Variants in PP2D1 observed in about 807,000 individuals in gnomAD.
PP2D1 encodes protein phosphatase 2C like domain containing 1, also known as protein phosphatase 2C-like domain-containing protein 1.
A neutral mutation model predicts 30.2 loss-of-function variants in PP2D1; 25 were observed. That is an observed-to-expected ratio of 0.83 (90% CI 0.60 to 1.16). The LOEUF (loss-of-function observed/expected upper bound fraction) is 1.16. Ranked by LOEUF, PP2D1 falls within the 50% of genes most tolerant of loss-of-function variation. The probability of loss-of-function intolerance (pLI) is 0.00; values close to 1 mark genes in which losing one functional copy is unlikely to be tolerated. For missense variants in PP2D1, 760 were observed against 742.4 expected (o/e 1.02, Z -0.28); for synonymous variants, 260 against 258.9 (o/e 1.00, Z -0.04).
At chr3:19,991,862 T>C (rs1438326911) in intron 2 of PP2D1, among the ~76,000 whole-genome samples, 3 of 152,094 alleles carry the variant, frequency 2.0e-5, no homozygotes, top group East Asian at 1.9e-4. Context: ...TATAAAAGAA[T>C]TATAAGAAAA....
At position 19,985,865 on chromosome 3, in the gene PP2D1, C is replaced by G; in HGVS notation, c.1408G>C (p.Ala470Pro). The change falls in exon 3 of 3, where the codon GCA becomes CCA. Residue 470 changes from alanine to proline, a missense_variant. Physicochemically the swap from Ala to Pro is conservative, Grantham distance 27 (BLOSUM62 -1). Around this residue, in one of 3 missense-constraint regions of PP2D1, gnomAD observed 369 missense variants for 316.2 expected, o/e 1.17. Transcript: ENST00000389050. Reference protein sequence around the residue: ...VLDKEEVTALAMTTFHMYKET... With the variant: ...VLDKEEVTALPMTTFHMYKET... ...TTATACATGTGAAATGTTGTCATTGCCAGGGCAGTAACTTCCTCTTTATCC... is the reference window on the plus strand; with the variant it reads ...TTATACATGTGAAATGTTGTCATTGGCAGGGCAGTAACTTCCTCTTTATCC... 1 of 1,536,318 alleles carries G rather than the reference C, an allele frequency of 6.5e-7. No homozygotes were observed. The highest frequency in any genetic ancestry group is 8.7e-7 in the Non-Finnish European group (1 of 1,146,938).
downstream of PP2D1, chr3:19,983,669 G>T (rs997864990): frequency 7.7e-7 from 1 of 1,303,210 alleles, no homozygotes; most frequent in Admixed American, 1.9e-5. Flanking sequence ...ATTAATATGA[G>T]TATTCAAATA....
intron 2 of PP2D1, among the ~76,000 whole-genome samples, chr3:19,995,099 G>T (rs780261042): frequency 4.6e-5 from 7 of 152,004 alleles, no homozygotes; most frequent in Non-Finnish European, 7.4e-5. Flanking sequence ...ACAAAAACAG[G>T]ATCTAAAAGG....
At chr3:20,003,940 A>T (rs372617344) in intron 1 of PP2D1, among the ~76,000 whole-genome samples, 21 of 152,208 alleles carry the variant, frequency 1.4e-4, no homozygotes, top group East Asian at 5.8e-4. Context: ...TTTACAAAGT[A>T]AAAAGTTACT....
Position 20,002,054 on chromosome 3 carries a change from T to A in PP2D1, c.66A>T (p.Thr22=). The A allele has an allele frequency of 6.5e-7, 1 of 1,534,396 alleles. No homozygotes were observed. Among genetic ancestry groups the A allele is most frequent in the Non-Finnish European group, 8.7e-7 (1 of 1,145,346 alleles). ...KSREWNMKTS[T]FDSDEDILLL... ...GTAGAATATCCTCATCTGAATCAAA[T>A]GTTGATGTTTTCATATTCCATTCTC... The change falls in exon 2 of 3, where the codon ACA becomes ACT. Residue 22 remains threonine (T), a synonymous_variant. Transcript: ENST00000389050.
Position 20,001,378 on chromosome 3 carries a change from T to G in PP2D1, c.742A>C (p.Ile248Leu). 6.5e-7 allele frequency: 1 copy of G among 1,536,566 alleles called. No individual in the cohort carries two copies. The highest frequency in any genetic ancestry group is 8.7e-7 in the Non-Finnish European group (1 of 1,146,970). ...CTAAACACAGTGTAAAAGGAATTGA[T>G]TATTTGTTGCTCATCAGTTGTCATT... ...YQMTTDEQQI[I>L]NSFYTVFREE... The change falls in exon 2 of 3, where the codon ATC becomes CTC. Residue 248 changes from isoleucine (I) to leucine (L), a missense_variant. Ile to Leu is a conservative substitution (Grantham distance 5, BLOSUM62 2). Around this residue, in one of 3 missense-constraint regions of PP2D1, gnomAD observed 374 missense variants for 388.8 expected, o/e 0.96. Transcript: ENST00000389050.
Position 20,000,788 on chromosome 3 carries a change from C to T in PP2D1, c.1090+242G>A, listed in dbSNP as rs926099788. On this transcript the variant is annotated intron_variant, in intron 2 of 2. Transcript: ENST00000389050. ...ACTGTGTTGCTACCCCTTTGGGAAA[C>T]TTTAACGTATTTGTCACATTATATC... is the stretch of plus-strand genomic sequence containing the variant. Among the ~76,000 whole-genome samples, 3 of 152,326 alleles carry T rather than the reference C, an allele frequency of 2.0e-5. No individual in the cohort carries two copies. In the East Asian group the frequency reaches 5.8e-4, roughly 29 times the overall value.
At chr3:19,999,847 A>G (rs539438446) in intron 2 of PP2D1, among the ~76,000 whole-genome samples, 9 of 152,330 alleles carry the variant, frequency 5.9e-5, no homozygotes, top group African/African-American at 2.2e-4. Context: ...TGTAATGATT[A>G]TGTCTATGAA....
At chr3:20,005,811 T>C (rs759120148) in intron 1 of PP2D1, among the ~76,000 whole-genome samples, 8 of 152,116 alleles carry the variant, frequency 5.3e-5, no homozygotes, top group Non-Finnish European at 1.0e-4. Context: ...AAAAGAATGT[T>C]TTTGTCTTCC....
intron 2 of PP2D1, among the ~76,000 whole-genome samples, chr3:19,999,081 CTTTT>C (rs63201460): frequency 7.4e-6 from 1 of 135,214 alleles, no homozygotes. Context: ...TGTGTCTAGA[CTTTT>C]TTTTTTTTTT....
At chr3:19,993,793 G>A (rs1292063793) in intron 2 of PP2D1, among the ~76,000 whole-genome samples, 2 of 152,168 alleles carry the variant, frequency 1.3e-5, no homozygotes, top group African/African-American at 4.8e-5. Flanking sequence ...AGGCTGGAGT[G>A]CAGTAGTGCG....
At chr3:19,992,337 T>G (rs1697128539) in intron 2 of PP2D1, among the ~76,000 whole-genome samples, 1 of 152,092 alleles carries the variant, frequency 6.6e-6, no homozygotes, top group Admixed American at 6.6e-5. Flanking sequence ...ATGTGAGAGT[T>G]CCTCAGCACC....
chr3:19,985,258 T>C, downstream of PP2D1: 1 of 723,924 alleles, frequency 1.4e-6, no homozygotes, highest in Non-Finnish European at 2.2e-6. Flanking sequence ...GTATCCGCTT[T>C]TATATTTTCT....
chr3:19,990,072 T>TTTGAACATCC (rs1425028817), intron 2 of PP2D1, among the ~76,000 whole-genome samples: 3 of 152,176 alleles, frequency 2.0e-5, no homozygotes, highest in Non-Finnish European at 4.4e-5. Flanking sequence ...GTGAACATCC[T>TTTGAACATCC]TTGGATTCAG....
At chr3:19,993,522 G>C (rs2948113) in intron 2 of PP2D1, among the ~76,000 whole-genome samples, 31,405 of 152,016 alleles carry the variant, frequency 0.21, 3,700 homozygotes, top group African/African-American at 0.32. Flanking sequence ...GATCACTTAA[G>C]GTCAGGAGTT....
intron 1 of PP2D1, 141 bp downstream of exon 1, chr3:20,011,909 A>C: frequency 3.4e-6 from 2 of 581,818 alleles, no homozygotes; most frequent in Non-Finnish European, 6.0e-6. Context: ...AGGCAGAGGG[A>C]TATATCACTC....
At chr3:19,988,039 C>T (rs1396001630) in intron 2 of PP2D1, among the ~76,000 whole-genome samples, 2 of 152,178 alleles carry the variant, frequency 1.3e-5, no homozygotes, top group Middle Eastern at 3.4e-3. Context: ...GGTTGTATGT[C>T]GCTTCAGGAC....
At chr3:19,980,225 C>A (rs933084908) in intron 3 of PP2D1, 2 of 152,174 alleles carry the variant, frequency 1.3e-5, no homozygotes, top group Non-Finnish European at 2.9e-5. Context: ...AATCAGCCTG[C>A]ACTGTAAACC....
At chr3:19,998,261 C>T (rs185100789) in intron 2 of PP2D1, among the ~76,000 whole-genome samples, 3 of 151,688 alleles carry the variant, frequency 2.0e-5, no homozygotes, top group Admixed American at 6.6e-5. Context: ...ACCCGGGAGG[C>T]GGAGATTGCA....
Sources: gnomAD v4.1 joint callset for allele counts (sites outside exome capture counted in the v4.1 genomes callset) on GRCh38, gnomAD v4.1.1 for gene constraint, gnomAD v4.1.1 regional missense constraint, MANE v1.5 for transcripts, NCBI Gene and HGNC (gene_info 2026-07-23, HGNC 2026-07-21) for gene names.